The following COBLL1 variants were observed in gnomAD, a reference collection of about 807,000 sequenced individuals.
The protein encoded by COBLL1 is cordon-bleu WH2 repeat protein like 1, also known as cordon-bleu protein-like 1.
Under a neutral mutation model 94.8 loss-of-function variants are expected in COBLL1, and 50 were observed. The ratio of observed to expected loss-of-function variants is 0.53; its 90% CI spans 0.42 to 0.67. The LOEUF is 0.67. Ranked by LOEUF, COBLL1 falls within the 30% of genes least tolerant of loss-of-function variation. The pLI is 0.00. For synonymous variants in COBLL1, 448 were observed against 473.8 expected (o/e 0.95, Z 0.71); for missense variants, 1,362 against 1,348.7 (o/e 1.01, Z -0.15).
intron 2 of COBLL1, among the ~76,000 whole-genome samples, chr2:164,782,370 A>G (rs1163964788): frequency 3.4e-4 from 52 of 152,204 alleles, no homozygotes; most frequent in Admixed American, 3.3e-3. Flanking sequence ...TAACTGAAAA[A>G]TTAGTCTAAC....
intron 2 of COBLL1, among the ~76,000 whole-genome samples, chr2:164,822,880 G>A (rs780103716): frequency 4.0e-5 from 6 of 151,334 alleles, no homozygotes; most frequent in African/African-American, 7.3e-5. Context: ...AGCGATTCTC[G>A]TGCCTCAGCC....
At chr2:164,818,274 A>G (rs905672835) in intron 2 of COBLL1, among the ~76,000 whole-genome samples, 2 of 148,896 alleles carry the variant, frequency 1.3e-5, no homozygotes, top group African/African-American at 2.5e-5. Context: ...ACACGTATGT[A>G]TGTATACATA....
chr2:164,838,518 G>C (rs1444752876), intron 2 of COBLL1, among the ~76,000 whole-genome samples: 2 of 152,148 alleles, frequency 1.3e-5, no homozygotes, highest in Non-Finnish European at 2.9e-5. Context: ...GTCATGGTAT[G>C]TTATATCATA....
At position 164,685,802 on chromosome 2, in the gene COBLL1, G is replaced by T; in HGVS notation, c.*144C>A. The T allele has an allele frequency of 2.4e-6, 1 of 413,036 alleles. No homozygotes were observed. The highest frequency in any genetic ancestry group is 1.3e-4 in the South Asian group (1 of 7,944). 25.6% of individuals were successfully genotyped at this position (413,036 alleles called of 1,614,324 possible). A position where few individuals can be genotyped will look rare whatever the true frequency, so the allele number is the denominator to read the frequency against. The stretch of plus-strand genomic sequence containing the variant: ...TATAAATTCTGGTAACTTTTCTTCT[G>T]GCATTAAAAGCCACAACACAAATTC... On this transcript the variant is annotated 3_prime_UTR_variant, in exon 14 of 14. Coordinates refer to ENST00000652658, the MANE Select transcript of COBLL1 (RefSeq NM_001365672.2).
At chr2:164,759,074 C>T (rs955311228) in intron 2 of COBLL1, among the ~76,000 whole-genome samples, 1 of 151,940 alleles carries the variant, frequency 6.6e-6, no homozygotes, top group African/African-American at 2.4e-5. Flanking sequence ...GCATGTCAGC[C>T]AAGCAAGCCC....
intron 2 of COBLL1, among the ~76,000 whole-genome samples, chr2:164,828,574 G>A (rs996941840): frequency 6.6e-6 from 1 of 152,140 alleles, no homozygotes; most frequent in African/African-American, 2.4e-5. Flanking sequence ...AGCACTCACT[G>A]TGTATAAAAA....
In COBLL1 at chr2:164,687,584, C is replaced by T. The variant is rs1683367405; in HGVS notation, c.3301-1552G>A. The T allele has an allele frequency of 1.1e-5, 13 of 1,179,736 alleles. No individual in the cohort carries two copies. In the South Asian group the frequency reaches 1.5e-4, roughly 13 times the overall value. 73.1% of individuals were successfully genotyped at this position (1,179,736 alleles called of 1,614,324 possible). A position where few individuals can be genotyped will look rare whatever the true frequency, so the allele number is the denominator to read the frequency against. ...GGTTTTCCAAAGGCACCTCGCATGC[C>T]TGTTTGAAGCCTACATTGGGGTAAT... On this transcript the variant is annotated intron_variant, in intron 13 of 13. Transcript: ENST00000652658.
At chr2:164,825,262 T>G (rs938076741) in intron 2 of COBLL1, among the ~76,000 whole-genome samples, 1 of 152,176 alleles carries the variant, frequency 6.6e-6, no homozygotes, top group African/African-American at 2.4e-5. Flanking sequence ...TTACAAATAT[T>G]CATTCAATCT....
chr2:164,669,244 C>T (rs1300706703), intron 1 of COBLL1, among the ~76,000 whole-genome samples: 1 of 151,972 alleles, frequency 6.6e-6, no homozygotes, highest in East Asian at 1.9e-4. Flanking sequence ...TTGTTACATC[C>T]ACTGAATGAA....
intron 2 of COBLL1, among the ~76,000 whole-genome samples, chr2:164,814,718 T>C (rs1160569059): frequency 6.6e-6 from 1 of 152,090 alleles, no homozygotes; most frequent in African/African-American, 2.4e-5. Flanking sequence ...CTATATCATA[T>C]AAAGAAAAAC....
At chr2:164,730,718 CA>C (rs1415023658) in intron 3 of COBLL1, among the ~76,000 whole-genome samples, 1 of 152,084 alleles carries the variant, frequency 6.6e-6, no homozygotes, top group Non-Finnish European at 1.5e-5. Flanking sequence ...TTTCCTTACC[CA>C]AGAGCAGTCC....
At chr2:164,818,203 T>C (rs1305605626) in intron 2 of COBLL1, among the ~76,000 whole-genome samples, 27 of 147,068 alleles carry the variant, frequency 1.8e-4, no homozygotes, top group Non-Finnish European at 4.5e-5. Context: ...TATGTATACA[T>C]ATGTGTGTAT....
At chr2:164,784,561 C>T (rs1439836639) in intron 2 of COBLL1, among the ~76,000 whole-genome samples, 1 of 152,076 alleles carries the variant, frequency 6.6e-6, no homozygotes, top group East Asian at 1.9e-4. Flanking sequence ...ACTGTGTTCT[C>T]TCTGCAAGGG....
At chr2:164,839,948 CACT>C (rs1173538556) in intron 2 of COBLL1, among the ~76,000 whole-genome samples, 1 of 152,208 alleles carries the variant, frequency 6.6e-6, no homozygotes, top group Non-Finnish European at 1.5e-5. Context: ...ATAATTAATA[CACT>C]ACATGTTTCC....
chr2:164,751,488 T>C (rs1414230780), intron 2 of COBLL1, among the ~76,000 whole-genome samples: 5 of 149,208 alleles, frequency 3.4e-5, no homozygotes, highest in Non-Finnish European at 7.4e-5. Flanking sequence ...CAACCTGTTC[T>C]GTAGCCAGAG....
At chr2:164,778,969 C>A (rs552694516) in intron 2 of COBLL1, among the ~76,000 whole-genome samples, 1 of 152,158 alleles carries the variant, frequency 6.6e-6, no homozygotes, top group Non-Finnish European at 1.5e-5. Context: ...AGACCAACCG[C>A]AACTAGGATA....
intron 2 of COBLL1, among the ~76,000 whole-genome samples, chr2:164,805,649 G>C (rs1684116552): frequency 6.6e-6 from 1 of 151,730 alleles, no homozygotes; most frequent in African/African-American, 2.4e-5. Context: ...CTCCATGTCT[G>C]TTCATGGCTT....
chr2:164,825,603 C>T (rs1402581943), intron 2 of COBLL1, among the ~76,000 whole-genome samples: 1 of 152,064 alleles, frequency 6.6e-6, no homozygotes, highest in African/African-American at 2.4e-5. Context: ...CAACAAGCAG[C>T]GAATCCAGAA....
rs150142940 is a variant in COBLL1, at chr2:164,700,538, T to C, written c.1444A>G (p.Lys482Glu). The change falls in exon 10 of 14, where the codon AAA becomes GAA. Residue 482 changes from lysine (K) to glutamate (E), a missense_variant. By Grantham distance (56) the Lys-to-Glu change is moderately conservative. Coordinates refer to ENST00000652658, the MANE Select transcript of COBLL1 (RefSeq NM_001365672.2). ...QNSMEEKQET[K>E]STDGQEPHSV... The stretch of plus-strand genomic sequence containing the variant: ...ACTACTTACTGTCCATCTGTGCTTT[T>C]AGTTTCTTGTTTTTCTTCCATGGAG... The C allele has an allele frequency of 3.1e-6, 5 of 1,612,348 alleles. No individual in the cohort carries two copies. The highest frequency in any genetic ancestry group is 4.5e-5 in the East Asian group (2 of 44,868).
Sources: gnomAD v4.1 joint callset for allele counts (sites outside exome capture counted in the v4.1 genomes callset) on GRCh38, gnomAD v4.1.1 for gene constraint, MANE v1.5 for transcripts, NCBI Gene and HGNC (gene_info 2026-07-23, HGNC 2026-07-21) for gene names.